The following STX8 variants were observed in gnomAD, a reference collection of about 807,000 sequenced individuals.
The protein encoded by STX8 is syntaxin-8.
A neutral mutation model predicts 37.5 loss-of-function variants in STX8; 23 were observed. The ratio of observed to expected loss-of-function variants is 0.61; its 90% CI spans 0.44 to 0.87. The LOEUF (loss-of-function observed/expected upper bound fraction) is 0.87, where lower values mean the gene tolerates loss of function less well. STX8 is among the 40% of genes least tolerant of loss of function. The pLI is 0.00. For synonymous variants in STX8, 115 were observed against 99.1 expected, an observed-to-expected ratio of 1.16 and a Z score of -0.95; for missense variants, 313 against 284.7, an observed-to-expected ratio of 1.10 and a Z score of -0.71.
chr17:9,287,633 A>G (rs1908125829), intron 7 of STX8, among the ~76,000 whole-genome samples: 1 of 152,228 alleles, frequency 6.6e-6, no homozygotes, highest in Non-Finnish European at 1.5e-5. Flanking sequence ...AAATGCAGAT[A>G]GTCCTGTTTG....
intron 6 of STX8, 96 bp downstream of exon 6, chr17:9,491,733 T>C: frequency 9.3e-7 from 1 of 1,072,502 alleles, no homozygotes; most frequent in Non-Finnish European, 1.4e-6. Flanking sequence ...TTAAACCACT[T>C]TACATGTTGT....
intron 7 of STX8, among the ~76,000 whole-genome samples, chr17:9,259,977 G>C (rs1285562376): frequency 6.6e-6 from 1 of 152,172 alleles, no homozygotes; most frequent in Non-Finnish European, 1.5e-5. Flanking sequence ...CAGCACTTTG[G>C]GAGGTCACGG....
At chr17:9,522,539 TC>T (rs1447999101) in intron 4 of STX8, among the ~76,000 whole-genome samples, 38 of 112,488 alleles carry the variant, frequency 3.4e-4, no homozygotes, top group South Asian at 1.5e-3. Flanking sequence ...CTACTAAAAA[TC>T]CAAAAAAAAA....
chr17:9,439,448 ATTTAC>A (rs1337540899), intron 6 of STX8, among the ~76,000 whole-genome samples: 1 of 152,052 alleles, frequency 6.6e-6, no homozygotes, highest in African/African-American at 2.4e-5. Flanking sequence ...AGTTTGCAAA[ATTTAC>A]TTATATCTTC....
chr17:9,296,381 C>T (rs1413934896), intron 7 of STX8, among the ~76,000 whole-genome samples: 3 of 151,872 alleles, frequency 2.0e-5, no homozygotes, highest in African/African-American at 4.8e-5. Flanking sequence ...GCCTGTAATC[C>T]CAGCTACTTG....
At chr17:9,553,078 C>G (rs1906834248) in intron 3 of STX8, 1 of 152,138 alleles carries the variant, frequency 6.6e-6, no homozygotes, top group Non-Finnish European at 1.5e-5. Context: ...GAAATGCCAA[C>G]AAAAGGATAA....
At chr17:9,524,150 T>C (rs547636767) in intron 4 of STX8, among the ~76,000 whole-genome samples, 2 of 152,330 alleles carry the variant, frequency 1.3e-5, no homozygotes, top group South Asian at 4.1e-4. Flanking sequence ...GAAATTACTG[T>C]TCTAAAAAGA....
At chr17:9,281,563 G>A (rs147321417) in intron 7 of STX8, among the ~76,000 whole-genome samples, 1 of 152,114 alleles carries the variant, frequency 6.6e-6, no homozygotes, top group African/African-American at 2.4e-5. Flanking sequence ...CTGTTTGGGT[G>A]GGGGGCTGGG....
At chr17:9,456,585 T>A (rs1905193222) in intron 6 of STX8, among the ~76,000 whole-genome samples, 1 of 152,178 alleles carries the variant, frequency 6.6e-6, no homozygotes, top group Non-Finnish European at 1.5e-5. Context: ...GCTTGAGCCA[T>A]CCTAAATTAG....
At chr17:9,324,109 GTCTCTCTC>G (rs1051588898) in intron 7 of STX8, among the ~76,000 whole-genome samples, 4 of 135,534 alleles carry the variant, frequency 3.0e-5, no homozygotes, top group African/African-American at 1.1e-4. Context: ...CTCTCTCTCT[GTCTCTCTC>G]TCTCTCTCTC....
Position 9,388,311 on chromosome 17 carries a change from A to G in STX8, c.542-9658T>C, listed in dbSNP as rs1012975604. On this transcript the variant is annotated intron_variant, in intron 6 of 7. Coordinates refer to ENST00000306357, the MANE Select transcript of STX8 (RefSeq NM_004853.3). ...GGTCTCGAACTCCTGACCTCAGGTG[A>G]TCCACTCACCTCTGTCTCCCAAAGT... Among the ~76,000 whole-genome samples the G allele has an allele frequency of 5.3e-5, 8 of 151,416 alleles. No homozygotes were observed. The South Asian group carries it at 1.7e-3, about 32-fold the overall frequency.
chr17:9,348,409 C>G (rs145968736), intron 7 of STX8, among the ~76,000 whole-genome samples: 1 of 101,674 alleles, frequency 9.8e-6, no homozygotes, highest in Non-Finnish European at 2.0e-5. Context: ...CAGAGCAAGA[C>G]TCTGTCTCAA....
intron 7 of STX8, among the ~76,000 whole-genome samples, chr17:9,254,149 G>A (rs1246779413): frequency 6.6e-6 from 1 of 152,168 alleles, no homozygotes; most frequent in East Asian, 1.9e-4. Flanking sequence ...GTCTGACCCA[G>A]CAACCCTGCA....
rs1235482697 is a variant in STX8 at position 9,575,779 on chromosome 17, A to G, written c.17+13T>C. 1 of 1,545,360 alleles carries G rather than the reference A, an allele frequency of 6.5e-7. No individual in the cohort carries two copies. Among genetic ancestry groups the G allele is most frequent in the Non-Finnish European group, 8.7e-7 (1 of 1,146,132 alleles). On this transcript the variant is annotated intron_variant, in intron 1 of 7. Transcript: ENST00000306357. ...GGTCCCTCCACGCACCGCCGCCCTC[A>G]CCCGGGACTCACCAGGGGTCCGGTG...
intron 7 of STX8, among the ~76,000 whole-genome samples, chr17:9,293,593 G>A (rs959125541): frequency 7.2e-5 from 11 of 151,958 alleles, no homozygotes; most frequent in African/African-American, 2.2e-4. Flanking sequence ...AAGAAGGTCC[G>A]GCGGTCTACC....
rs533547126 is a variant in STX8 at position 9,532,807 on chromosome 17, T to G, written c.323+12365A>C. Among the ~76,000 whole-genome samples the G allele has an allele frequency of 2.0e-5, 3 of 152,248 alleles. No homozygotes were observed. In the East Asian group the frequency reaches 5.8e-4, roughly 29 times the overall value. The stretch of plus-strand genomic sequence containing the variant: ...CTCTCTCCAAGAAAAACATGGTCAC[T>G]GTACACATTATATGGCTGGTATCAG... On this transcript the variant is annotated intron_variant, in intron 4 of 7. Coordinates refer to ENST00000306357, the MANE Select transcript of STX8 (RefSeq NM_004853.3).
intron 7 of STX8, among the ~76,000 whole-genome samples, chr17:9,331,522 G>A (rs1048591453): frequency 6.6e-6 from 1 of 152,164 alleles, no homozygotes; most frequent in Non-Finnish European, 1.5e-5. Flanking sequence ...AATGAAGCTG[G>A]GATGAATACT....
chr17:9,451,007 A>G (rs1905023367), intron 6 of STX8, among the ~76,000 whole-genome samples: 1 of 152,168 alleles, frequency 6.6e-6, no homozygotes. Context: ...CACAAAAATG[A>G]ATAAGACAGC....
chr17:9,255,060 A>G (rs1316494237), intron 7 of STX8, among the ~76,000 whole-genome samples: 2 of 152,202 alleles, frequency 1.3e-5, no homozygotes, highest in Non-Finnish European at 2.9e-5. Context: ...ATGCTCTTCC[A>G]CAGAAGAGCT....
Sources: allele counts gnomAD v4.1 joint callset (sites outside exome capture counted in the v4.1 genomes callset), GRCh38; gene constraint gnomAD v4.1.1; transcripts MANE v1.5; gene names NCBI Gene and HGNC (gene_info 2026-07-23, HGNC 2026-07-21).